The following HSPA12A variants were observed in gnomAD, a reference collection of about 807,000 sequenced individuals.
The protein encoded by HSPA12A is heat shock 70 kDa protein 12A.
In HSPA12A, 28 loss-of-function variants were observed where a neutral mutation model predicts 69.2. The observed-to-expected ratio is 0.40, with a 90% CI of 0.30 to 0.55. The LOEUF is 0.55. Ranked by LOEUF, HSPA12A falls within the 20% of genes least tolerant of loss-of-function variation. The pLI is 0.38. For synonymous variants in HSPA12A, 345 were observed against 370.5 expected (o/e 0.93, Z 0.79); for missense variants, 686 against 900.7 (o/e 0.76, Z 3.05).
chr10:116,715,499 A>G (rs963159980), intron 1 of HSPA12A, among the ~76,000 whole-genome samples: 3 of 152,252 alleles, frequency 2.0e-5, no homozygotes, highest in Admixed American at 6.5e-5. Context: ...TCAAATGTAC[A>G]GACAAAACAA....
intron 2 of HSPA12A, among the ~76,000 whole-genome samples, chr10:116,826,051 G>A (rs1382209203): frequency 1.3e-5 from 2 of 152,092 alleles, no homozygotes. Context: ...TCCATTCTCT[G>A]TGTGGCCCCG....
intron 2 of HSPA12A, among the ~76,000 whole-genome samples, chr10:116,814,321 T>A (rs1845255906): frequency 3.3e-5 from 5 of 152,096 alleles, no homozygotes; most frequent in Admixed American, 3.3e-4. Flanking sequence ...GTCTGACATA[T>A]AAGTGGAGTT....
intron 1 of HSPA12A, among the ~76,000 whole-genome samples, chr10:116,719,147 T>A (rs1850697959): frequency 6.6e-6 from 1 of 152,160 alleles, no homozygotes; most frequent in Non-Finnish European, 1.5e-5. Flanking sequence ...ACATTTGGGG[T>A]GTGATCCCTC....
At chr10:116,797,855 A>C (rs1335655776) in intron 2 of HSPA12A, among the ~76,000 whole-genome samples, 3 of 152,158 alleles carry the variant, frequency 2.0e-5, no homozygotes, top group African/African-American at 2.4e-5. Context: ...AGGGGTGTCC[A>C]TCAGTCCCCT....
chr10:116,713,827 C>T (rs1435401447), intron 1 of HSPA12A, among the ~76,000 whole-genome samples: 1 of 152,182 alleles, frequency 6.6e-6, no homozygotes, highest in Non-Finnish European at 1.5e-5. Context: ...GCCCTTCCCT[C>T]CAGCATCCAG....
chr10:116,681,622 T>C (rs1849403583), intron 8 of HSPA12A, among the ~76,000 whole-genome samples, 169 bp downstream of exon 8: 1 of 152,254 alleles, frequency 6.6e-6, no homozygotes, highest in South Asian at 2.1e-4. Flanking sequence ...TACCTGGTTT[T>C]ACAACATGCA....
At chr10:116,759,718 G>A (rs547634742) in intron 2 of HSPA12A, among the ~76,000 whole-genome samples, 4 of 152,220 alleles carry the variant, frequency 2.6e-5, no homozygotes, top group African/African-American at 9.6e-5. Context: ...TGCTTGATAT[G>A]GTTTGGCTGT....
At chr10:116,714,067 G>A (rs1850529590) in intron 1 of HSPA12A, among the ~76,000 whole-genome samples, 1 of 148,398 alleles carries the variant, frequency 6.7e-6, no homozygotes. Flanking sequence ...GGATGGATAG[G>A]TGGGTGGGTG....
At chr10:116,761,199 C>T (rs1327387112) in intron 2 of HSPA12A, among the ~76,000 whole-genome samples, 2 of 151,714 alleles carry the variant, frequency 1.3e-5, no homozygotes, top group Non-Finnish European at 2.9e-5. Flanking sequence ...AAAATACAAA[C>T]ATTAGGCTGG....
At chr10:116,778,767 TAAAAC>T (rs1844397022) in intron 2 of HSPA12A, among the ~76,000 whole-genome samples, 1 of 151,512 alleles carries the variant, frequency 6.6e-6, no homozygotes, top group African/African-American at 2.4e-5. Context: ...CTATGAAAAA[TAAAAC>T]AAAATAAAAT....
intron 2 of HSPA12A, among the ~76,000 whole-genome samples, chr10:116,809,716 C>T (rs1845137026): frequency 6.6e-6 from 1 of 152,228 alleles, no homozygotes; most frequent in Admixed American, 6.5e-5. Flanking sequence ...TGGACAGCTT[C>T]TTGCTCTCTG....
In HSPA12A at chr10:116,686,865, C is replaced by T. The variant is rs988801765; in HGVS notation, c.664-2903G>A. 6.6e-6 allele frequency among the ~76,000 whole-genome samples: 1 copy of T among 151,260 alleles called. No homozygotes were observed. The highest frequency in any genetic ancestry group is 1.5e-5 in the Non-Finnish European group (1 of 67,832). ...GCTCCACCCCTCATCCCTCTTCCCA[C>T]ACCATAAGCTCCGCCCCTCATCCCT... On this transcript the variant is annotated intron_variant, in intron 6 of 11. Transcript: ENST00000369209. The surrounding 1 kb of genome is among the most constrained non-coding windows in gnomAD (Gnocchi z 4.1).
intron 2 of HSPA12A, among the ~76,000 whole-genome samples, chr10:116,820,454 C>T (rs1262147129): frequency 6.6e-6 from 1 of 152,054 alleles, no homozygotes; most frequent in African/African-American, 2.4e-5. Context: ...CCTGCTGTTT[C>T]CACCAATGGT....
intron 2 of HSPA12A, among the ~76,000 whole-genome samples, chr10:116,806,906 A>T (rs1371646270): frequency 6.6e-6 from 1 of 152,226 alleles, no homozygotes; most frequent in Non-Finnish European, 1.5e-5. Flanking sequence ...GGAGATGAGG[A>T]GATCGTCCTG....
rs782684151 is a variant in HSPA12A at position 116,701,069 on chromosome 10, C to G, written c.315G>C (p.Leu105=). The change falls in exon 4 of 12, where the codon CTG becomes CTC. Residue 105 remains leucine (L), a synonymous_variant. Coordinates refer to ENST00000369209, the MANE Select transcript of HSPA12A (RefSeq NM_025015.3). ...SNQKTPTTIL[L]TPERKFHSFG... is the part of the protein sequence containing the mutation. ...AGCTGTGGAACTTCCTCTCGGGAGT[C>G]AGCAAGATGGTGGTTGGAGTCTTCT... is the stretch of plus-strand genomic sequence containing the variant. 6.2e-7 allele frequency: 1 copy of G among 1,614,154 alleles called. No individual in the cohort carries two copies. Among genetic ancestry groups the G allele is most frequent in the Non-Finnish European group, 8.5e-7 (1 of 1,180,038 alleles).
chr10:116,709,949 C>T (rs886707321), intron 1 of HSPA12A, among the ~76,000 whole-genome samples: 3 of 152,198 alleles, frequency 2.0e-5, no homozygotes, highest in African/African-American at 4.8e-5. Flanking sequence ...TTAGCACCCA[C>T]GACTAACAGA....
chr10:116,798,699 C>T (rs1442085480), intron 2 of HSPA12A, among the ~76,000 whole-genome samples: 1 of 152,248 alleles, frequency 6.6e-6, no homozygotes, highest in South Asian at 2.1e-4. Flanking sequence ...TGACTACATT[C>T]ATTTGTTGAA....
intron 2 of HSPA12A, among the ~76,000 whole-genome samples, chr10:116,801,368 C>T (rs1009126293): frequency 7.2e-5 from 11 of 152,194 alleles, no homozygotes; most frequent in Admixed American, 2.6e-4. Context: ...CAACCAATCA[C>T]GCTGCAAACT....
At chr10:116,761,448 T>C (rs1843970173) in intron 2 of HSPA12A, among the ~76,000 whole-genome samples, 1 of 147,204 alleles carries the variant, frequency 6.8e-6, no homozygotes, top group African/African-American at 2.5e-5. Context: ...ATCACACCAC[T>C]GCACTCCCAC....
Sources: gnomAD v4.1 joint callset for allele counts (sites outside exome capture counted in the v4.1 genomes callset) on GRCh38, gnomAD v4.1.1 for gene constraint, Gnocchi (gnomAD v3.1) non-coding constraint, MANE v1.5 for transcripts, NCBI Gene and HGNC (gene_info 2026-07-23, HGNC 2026-07-21) for gene names.